Variants in MOB3B observed in about 807,000 individuals in gnomAD.
MOB3B encodes MOB kinase activator 3B.
In MOB3B, 7 loss-of-function variants were observed where a neutral mutation model predicts 18.7. The ratio of observed to expected loss-of-function variants is 0.37; its 90% CI spans 0.21 to 0.70. The LOEUF (loss-of-function observed/expected upper bound fraction) is 0.70, where lower values mean the gene tolerates loss of function less well. Among genes scored for constraint, MOB3B ranks in the 30% least tolerant of loss-of-function variants. The pLI, the probability that MOB3B is intolerant of heterozygous loss-of-function variation, is 0.52. For missense variants in MOB3B, 253 were observed against 281.3 expected (o/e 0.90, Z 0.72); for synonymous variants, 111 against 99.9 (o/e 1.11, Z -0.66).
chr9:27,423,398 C>CTTTT (rs34788661), intron 2 of MOB3B, among the ~76,000 whole-genome samples: 9 of 141,986 alleles, frequency 6.3e-5, no homozygotes, highest in African/African-American at 1.8e-4. Flanking sequence ...TGGCAATACT[C>CTTTT]TTTTTTTTTT....
At chr9:27,499,422 A>C (rs532920255) in intron 1 of MOB3B, among the ~76,000 whole-genome samples, 1 of 152,356 alleles carries the variant, frequency 6.6e-6, no homozygotes, top group South Asian at 2.1e-4. Context: ...TAATAGTCCC[A>C]GTAAAATGAT....
intron 1 of MOB3B, among the ~76,000 whole-genome samples, chr9:27,484,767 G>T (rs1245616831): frequency 6.6e-6 from 1 of 151,992 alleles, no homozygotes; most frequent in African/African-American, 2.4e-5. Flanking sequence ...CCTCTACCCT[G>T]CCCTGAGAAC....
At chr9:27,367,322 A>G (rs1821355081) in intron 2 of MOB3B, among the ~76,000 whole-genome samples, 1 of 152,192 alleles carries the variant, frequency 6.6e-6, no homozygotes. Flanking sequence ...GGGTTTCTAC[A>G]GCTCCTTTCA....
chr9:27,386,467 T>A (rs367689838), intron 2 of MOB3B, among the ~76,000 whole-genome samples: 3 of 152,232 alleles, frequency 2.0e-5, no homozygotes, highest in African/African-American at 7.2e-5. Context: ...GGACCTGCTT[T>A]GTTGATGCAA....
At chr9:27,381,798 C>T (rs751013050) in intron 2 of MOB3B, among the ~76,000 whole-genome samples, 5 of 152,118 alleles carry the variant, frequency 3.3e-5, no homozygotes, top group Non-Finnish European at 7.4e-5. Flanking sequence ...AAGAACGCAC[C>T]ACCACATCCA....
At chr9:27,524,170 AAG>A in intron 1 of MOB3B, 30 of 496,966 alleles carry the variant, frequency 6.0e-5, no homozygotes, top group South Asian at 1.2e-4. Flanking sequence ...AAAAAAAAAA[AAG>A]CCTCAGAGGC....
intron 1 of MOB3B, among the ~76,000 whole-genome samples, chr9:27,483,383 C>T (rs1040135089): frequency 7.2e-5 from 11 of 152,132 alleles, no homozygotes; most frequent in African/African-American, 2.4e-4. Flanking sequence ...CCGCCCGCCT[C>T]GGCCTCCCAA....
rs545115871 is a variant in MOB3B at position 27,410,003 on chromosome 9, A to G, written c.418+45130T>C. Among the ~76,000 whole-genome samples the G allele has an allele frequency of 2.6e-5, 4 of 152,322 alleles. No individual in the cohort carries two copies. In the East Asian group the frequency reaches 5.8e-4, roughly 22 times the overall value. ...TGATGAAAAAGTTCTGGAAATGGAT[A>G]ATATTGATGATTGAACAACACTGTG... On this transcript the variant is annotated intron_variant, in intron 2 of 3. Transcript: ENST00000262244.
In MOB3B at chr9:27,455,541, C is replaced by A; in HGVS notation, c.10G>T (p.Ala4Ser). The A allele has an allele frequency of 7.4e-6, 12 of 1,614,186 alleles. No homozygotes were observed. The highest frequency in any genetic ancestry group is 1.0e-5 in the Non-Finnish European group (12 of 1,180,028). The change falls in exon 2 of 4, where the codon GCC (alanine) becomes TCC (serine). Residue 4 changes from alanine (A) to serine (S), a missense_variant. Coordinates refer to ENST00000262244, the MANE Select transcript of MOB3B (RefSeq NM_024761.5). ...TCCTTGTTGAATACCTGCTTCAGGG[C>A]TATGGACATGGTCTTCTCTTTCGCT... MSI[A>S]LKQVFNKDKT... is the part of the protein sequence containing the mutation.
chr9:27,339,586 A>ACAT lies in MOB3B; in HGVS notation c.622-8973_622-8971dup, dbSNP rs201148450. ...CTGGACATCATTTCATTCAATCCTTACATCAGTCTTATGGGGTATGTGGTA... is the reference window on the plus strand; with the variant it reads ...CTGGACATCATTTCATTCAATCCTTACATCATCAGTCTTATGGGGTATGTGGTA... On this transcript the variant is annotated intron_variant, in intron 3 of 3. Transcript: ENST00000262244. 2.8e-3 allele frequency among the ~76,000 whole-genome samples: 421 copies of ACAT among 152,334 alleles called. 1 individual carries two copies. Among genetic ancestry groups the ACAT allele is most frequent in the African/African-American group, 9.8e-3 (409 of 41,576 alleles).
intron 2 of MOB3B, among the ~76,000 whole-genome samples, chr9:27,434,675 C>A (rs550232868): frequency 3.2e-4 from 48 of 152,262 alleles, no homozygotes; most frequent in Non-Finnish European, 4.9e-4. Context: ...TGGCTCTACT[C>A]CCCTGCTCAA....
Position 27,468,323 on chromosome 9 carries a change from C to A in MOB3B, c.-198-12575G>T, listed in dbSNP as rs967674648. ...GAGCTTTAGGCCTGACAGTCCCATG[C>A]CCCTGTATGTGGCTACTGTCTGGGA... is the stretch of plus-strand genomic sequence containing the variant. On this transcript the variant is annotated intron_variant, in intron 1 of 3. Transcript: ENST00000262244. Among the ~76,000 whole-genome samples, 181 of 152,298 alleles carry A rather than the reference C, an allele frequency of 1.2e-3. 3 individuals carry two copies. Among genetic ancestry groups the A allele is most frequent in the Non-Finnish European group, 2.8e-4 (19 of 68,028 alleles).
At chr9:27,438,356 A>G (rs1822544073) in intron 2 of MOB3B, among the ~76,000 whole-genome samples, 1 of 152,108 alleles carries the variant, frequency 6.6e-6, no homozygotes, top group South Asian at 2.1e-4. Flanking sequence ...CCAGTCTGAG[A>G]TTGTGACAGG....
intron 2 of MOB3B, among the ~76,000 whole-genome samples, chr9:27,437,534 T>C (rs1316857244): frequency 6.6e-6 from 1 of 152,206 alleles, no homozygotes; most frequent in Non-Finnish European, 1.5e-5. Context: ...TACTGGTCAT[T>C]GATGAATATG....
chr9:27,364,352 G>A (rs1227753092), intron 2 of MOB3B, among the ~76,000 whole-genome samples: 2 of 149,724 alleles, frequency 1.3e-5, no homozygotes, highest in African/African-American at 5.1e-5. Flanking sequence ...CCCATTATGT[G>A]TTTTAAAAAT....
chr9:27,415,198 T>A (rs553201961), intron 2 of MOB3B, among the ~76,000 whole-genome samples: 1 of 152,192 alleles, frequency 6.6e-6, no homozygotes, highest in African/African-American at 2.4e-5. Flanking sequence ...AATAAAGGAA[T>A]TTTTAGAAGA....
rs1271301338 is a variant in MOB3B, at chr9:27,390,909, G to C, written c.419-31673C>G. On this transcript the variant is annotated intron_variant, in intron 2 of 3. Coordinates refer to ENST00000262244, the MANE Select transcript of MOB3B (RefSeq NM_024761.5). Reference sequence around the variant, plus strand: ...CTTCCTCCCCGCTTCCACCACCTGAGGACACACTGAGAAACTGGCAGTCTA... The same window carrying C: ...CTTCCTCCCCGCTTCCACCACCTGACGACACACTGAGAAACTGGCAGTCTA... 2.0e-5 allele frequency among the ~76,000 whole-genome samples: 3 copies of C among 152,100 alleles called. No individual in the cohort carries two copies. The East Asian group carries it at 5.8e-4, about 29-fold the overall frequency.
At chr9:27,364,280 C>T (rs1821313773) in intron 2 of MOB3B, among the ~76,000 whole-genome samples, 1 of 152,184 alleles carries the variant, frequency 6.6e-6, no homozygotes, top group Non-Finnish European at 1.5e-5. Context: ...AGGACCATAA[C>T]CAATGCCCTC....
At chr9:27,474,713 C>T (rs555319919) in intron 1 of MOB3B, among the ~76,000 whole-genome samples, 8 of 152,308 alleles carry the variant, frequency 5.3e-5, no homozygotes, top group Admixed American at 3.9e-4. Context: ...GAGCTATAGC[C>T]TCTCCTTCTC....
Sources: gnomAD v4.1 joint callset for allele counts (sites outside exome capture counted in the v4.1 genomes callset) on GRCh38, gnomAD v4.1.1 for gene constraint, MANE v1.5 for transcripts, NCBI Gene and HGNC (gene_info 2026-07-23, HGNC 2026-07-21) for gene names.